ANO1: variants seen among roughly 807,000 people sequenced by gnomAD.
ANO1 encodes the protein anoctamin 1.
A neutral mutation model predicts 124.0 loss-of-function variants in ANO1; 59 were observed. The observed-to-expected ratio is 0.48, with a 90% CI of 0.39 to 0.59. The LOEUF is 0.59. Among genes scored for constraint, ANO1 ranks in the 20% least tolerant of loss-of-function variants. The probability of loss-of-function intolerance (pLI) is 0.00; values close to 1 mark genes in which losing one functional copy is unlikely to be tolerated. For synonymous variants in ANO1, 529 were observed against 532.0 expected (o/e 0.99, Z 0.08); for missense variants, 1,059 against 1,328.0 (o/e 0.80, Z 3.15).
intron 2 of ANO1, among the ~76,000 whole-genome samples, chr11:70,091,981 C>T (rs996210649): frequency 1.3e-5 from 2 of 152,188 alleles, no homozygotes; most frequent in African/African-American, 2.4e-5. Flanking sequence ...CTTAAAACAA[C>T]ACAGATGGAT....
chr11:70,139,896 T>C (rs1159409421), intron 11 of ANO1, among the ~76,000 whole-genome samples: 1 of 152,244 alleles, frequency 6.6e-6, no homozygotes, highest in Non-Finnish European at 1.5e-5. Flanking sequence ...GGCTGGCGTG[T>C]GTGCTGAACA....
At chr11:70,165,381 C>A in intron 19 of ANO1, 89 bp from the exon 20 acceptor site, 3 of 1,120,970 alleles carry the variant, frequency 2.7e-6, no homozygotes, top group South Asian at 1.3e-5. Context: ...CGCAGGTCAA[C>A]CCACAGCATG....
intron 11 of ANO1, among the ~76,000 whole-genome samples, chr11:70,146,872 C>T (rs545547938): frequency 6.6e-6 from 1 of 152,326 alleles, no homozygotes; most frequent in African/African-American, 2.4e-5. Context: ...CAAGTGTGCT[C>T]TTCCACCTTC....
At chr11:70,122,710 T>G (rs1242930240) in intron 8 of ANO1, among the ~76,000 whole-genome samples, 1 of 151,472 alleles carries the variant, frequency 6.6e-6, no homozygotes, top group African/African-American at 2.4e-5. Flanking sequence ...TCTGTCTCTC[T>G]CGCTGCCTCT....
chr11:70,092,881 G>A (rs544686530), intron 2 of ANO1, among the ~76,000 whole-genome samples: 8 of 152,272 alleles, frequency 5.3e-5, no homozygotes, highest in South Asian at 4.1e-4. Flanking sequence ...TCCACAGGGC[G>A]GCCTTCAAAG....
upstream of ANO1, among the ~76,000 whole-genome samples, chr11:70,075,798 A>G (rs118116062): frequency 1.3e-5 from 2 of 152,334 alleles, no homozygotes; most frequent in East Asian, 3.9e-4. Context: ...AAAGTGACCC[A>G]TAGGACACAG....
chr11:70,028,681 G>A (rs1262828747), intron 1 of ANO1, among the ~76,000 whole-genome samples: 1 of 152,124 alleles, frequency 6.6e-6, no homozygotes, highest in Non-Finnish European at 1.5e-5. Flanking sequence ...TCTGGGTCTT[G>A]AAGGGCGCGA....
At chr11:70,028,428 C>G (rs1461005518) in intron 1 of ANO1, among the ~76,000 whole-genome samples, 2 of 151,776 alleles carry the variant, frequency 1.3e-5, no homozygotes, top group Non-Finnish European at 2.9e-5. Context: ...TGACTTCACT[C>G]CCCTCCTGAC....
Position 70,078,714 on chromosome 11 carries a change from G to T in ANO1, c.108G>T (p.Thr36=). Residue 36 remains threonine, a splice_region_variant and synonymous_variant, in exon 1 of 26, where the codon ACG becomes ACT. Coordinates refer to ENST00000355303, the MANE Select transcript of ANO1 (RefSeq NM_018043.7). The part of the protein sequence containing the change: ...EDIGYLPSEG[T]LLNSLSVDPD... The stretch of plus-strand genomic sequence containing the variant: ...TCGGCTACCTGCCGTCCGAGGGCAC[G>T]GTGAGTGCGGGCGGCCGCGACCCGG... The T allele has an allele frequency of 6.8e-7, 1 of 1,477,954 alleles. No individual in the cohort carries two copies. The highest frequency in any genetic ancestry group is 3.1e-5 in the East Asian group (1 of 32,328). 91.6% of individuals were successfully genotyped at this position (1,477,954 alleles called of 1,614,324 possible).
At chr11:70,171,996 T>C (rs2048489673) in intron 22 of ANO1, among the ~76,000 whole-genome samples, 2 of 151,542 alleles carry the variant, frequency 1.3e-5, no homozygotes, top group South Asian at 4.2e-4. Context: ...GGCACAGACC[T>C]GTGGTCCCAG....
chr11:70,103,879 C>T, intron 3 of ANO1, 120 bp from the exon 4 acceptor site: 8 of 1,133,214 alleles, frequency 7.1e-6, no homozygotes, highest in Non-Finnish European at 9.9e-6. Flanking sequence ...CCCAGGTGCT[C>T]TGCTCTCAGG....
At chr11:69,969,176 A>G in the ANO1 span, among the ~76,000 whole-genome samples, 2 of 152,168 alleles carry the variant, frequency 1.3e-5, no homozygotes, top group South Asian at 4.2e-4. Context: ...AGGGTCCCTC[A>G]TAGGGGCCGG....
chr11:70,161,159 A>T lies in ANO1; in HGVS notation c.1579-2A>T. The stretch of plus-strand genomic sequence containing the variant: ...CCAAGAGTGCCCCTTTCCCCCCTGC[A>T]GATTGCAGTGACGTTTGCCATCGTC... On this transcript the variant is annotated splice_acceptor_variant, in intron 16 of 25. Transcript: ENST00000355303. LOFTEE classifies it high-confidence loss of function. 6.2e-7 allele frequency: 1 copy of T among 1,613,218 alleles called. No homozygotes were observed. The highest frequency in any genetic ancestry group is 8.5e-7 in the Non-Finnish European group (1 of 1,179,720).
intron 1 of ANO1, among the ~76,000 whole-genome samples, chr11:70,049,872 C>G (rs575603390): frequency 7.0e-4 from 107 of 152,298 alleles, no homozygotes; most frequent in South Asian, 2.3e-3. Flanking sequence ...AGGTGCCCAC[C>G]ACCACGCCTG....
At chr11:70,114,522 T>C (rs2135422112) in intron 7 of ANO1, among the ~76,000 whole-genome samples, 1 of 152,298 alleles carries the variant, frequency 6.6e-6, no homozygotes, top group South Asian at 2.1e-4. Context: ...TTTGCTTCCA[T>C]CTTCCTCCCC....
intron 1 of ANO1, among the ~76,000 whole-genome samples, chr11:70,027,787 G>A (rs782476999): frequency 1.3e-5 from 2 of 152,194 alleles, no homozygotes; most frequent in Admixed American, 6.5e-5. Context: ...GGTGGAACAC[G>A]CCCTTCTTGC....
intron 1 of ANO1, among the ~76,000 whole-genome samples, chr11:70,071,496 A>G (rs1428692798): frequency 6.6e-6 from 1 of 152,230 alleles, no homozygotes; most frequent in Non-Finnish European, 1.5e-5. Flanking sequence ...TCCTTCCCAC[A>G]TGTGACTTTG....
At chr11:69,977,759 T>G in the ANO1 span, among the ~76,000 whole-genome samples, 1 of 152,230 alleles carries the variant, frequency 6.6e-6, no homozygotes, top group South Asian at 2.1e-4. Flanking sequence ...CCCGAGGCTT[T>G]GTGTGCTGAG....
intron 5 of ANO1, among the ~76,000 whole-genome samples, chr11:70,107,334 T>C (rs891547088): frequency 2.6e-5 from 4 of 151,702 alleles, no homozygotes; most frequent in Non-Finnish European, 5.9e-5. Flanking sequence ...GCCTGGTTGT[T>C]AAGGGGACCC....
Sources: allele counts gnomAD v4.1 joint callset (sites outside exome capture counted in the v4.1 genomes callset), GRCh38; gene constraint gnomAD v4.1.1; transcripts MANE v1.5; gene names NCBI Gene and HGNC (gene_info 2026-07-23, HGNC 2026-07-21).